The following SYPL2 variants were observed in gnomAD, a reference collection of about 807,000 sequenced individuals.
SYPL2 encodes synaptophysin like 2.
Under a neutral mutation model 31.3 loss-of-function variants are expected in SYPL2, and 24 were observed. The ratio of observed to expected loss-of-function variants is 0.77; its 90% CI spans 0.56 to 1.08. The LOEUF is 1.08. SYPL2 is among the 50% of genes least tolerant of loss of function. SYPL2 has a pLI of 0.00. For synonymous variants in SYPL2, 144 were observed against 143.1 expected, an observed-to-expected ratio of 1.01 and a Z score of -0.05; for missense variants, 342 against 360.1, an observed-to-expected ratio of 0.95 and a Z score of 0.41.
intron 2 of SYPL2, among the ~76,000 whole-genome samples, chr1:109,469,391 A>C (rs1227683435): frequency 6.6e-6 from 1 of 151,800 alleles, no homozygotes; most frequent in African/African-American, 2.4e-5. Flanking sequence ...TTTAATTGAG[A>C]AATCAACTAA....
rs1656128905 is a variant in SYPL2 at position 109,480,383 on chromosome 1, GGTC to G, written c.*836_*838del. 6.6e-6 allele frequency: 1 copy of G among 152,118 alleles called. No individual in the cohort carries two copies. The highest frequency in any genetic ancestry group is 1.5e-5 in the Non-Finnish European group (1 of 68,098). The allele number at this position is 152,118 out of a possible 1,614,324, so 9.4% of individuals were successfully genotyped here. A position where few individuals can be genotyped will look rare whatever the true frequency, so the allele number is the denominator to read the frequency against. On this transcript the variant is annotated 3_prime_UTR_variant, in exon 6 of 6. Coordinates refer to ENST00000369872, the MANE Select transcript of SYPL2 (RefSeq NM_001040709.2). ...TATCTTCCTCCCTGTCCTCCTTCTT[GGTC>G]TCACACTTGGGACTCAAAAATGTGG...
At chr1:109,471,963 CAA>C (rs1422530751) in intron 2 of SYPL2, among the ~76,000 whole-genome samples, 1 of 151,942 alleles carries the variant, frequency 6.6e-6, no homozygotes, top group African/African-American at 2.4e-5. Context: ...CCTTGCTTCC[CAA>C]AGTGTTGGGA....
chr1:109,477,088 G>T (rs774402782), intron 4 of SYPL2, 111 bp downstream of exon 4: 418 of 1,312,810 alleles, frequency 3.2e-4, no homozygotes, highest in Non-Finnish European at 1.2e-4. Context: ...CCCCATGGTG[G>T]AACCTCTGCC....
At position 109,466,812 on chromosome 1, in the gene SYPL2, A is replaced by G. The variant is rs2787015; in HGVS notation, c.-32A>G. The G allele has an allele frequency of 6.6e-7, 1 of 1,508,584 alleles. No individual in the cohort carries two copies. The highest frequency in any genetic ancestry group is 8.8e-7 in the Non-Finnish European group (1 of 1,136,250). 93.4% of individuals were successfully genotyped at this position (1,508,584 alleles called of 1,614,324 possible). A position where few individuals can be genotyped will look rare whatever the true frequency, so the allele number is the denominator to read the frequency against. On this transcript the variant is annotated 5_prime_UTR_variant, in exon 1 of 6. Coordinates refer to ENST00000369872, the MANE Select transcript of SYPL2 (RefSeq NM_001040709.2). The stretch of plus-strand genomic sequence containing the variant: ...CGCCTCCCGGCCAGAGAGCCAAGCC[A>G]CCACGCCGCGCCCAGCGCTCGCCGC...
chr1:109,479,742 CT>C lies in SYPL2; in HGVS notation c.*195del. The C allele has an allele frequency of 1.3e-6, 1 of 788,662 alleles. No homozygotes were observed. The highest frequency in any genetic ancestry group is 2.0e-6 in the Non-Finnish European group (1 of 511,886). The allele number at this position is 788,662 out of a possible 1,614,324, so 48.9% of individuals were successfully genotyped here. A position where few individuals can be genotyped will look rare whatever the true frequency, so the allele number is the denominator to read the frequency against. The stretch of plus-strand genomic sequence containing the variant: ...CAGTGGCTTCCTATCCTCCTTCTTG[CT>C]GGAGCCATGAATGGCAGGAGCTCAG... On this transcript the variant is annotated 3_prime_UTR_variant, in exon 6 of 6. Coordinates refer to ENST00000369872, the MANE Select transcript of SYPL2 (RefSeq NM_001040709.2).
In SYPL2 at chr1:109,478,135, C is replaced by T; in HGVS notation, c.648+126C>T. On this transcript the variant is annotated intron_variant, in intron 5 of 5. Transcript: ENST00000369872. The surrounding 1 kb of genome is among the most constrained non-coding windows in gnomAD (Gnocchi z 4.0). ...GTGTCCCCTGCACCTGGAGCTGGTGCCCTCACTGCGCTTCATGCTGGCTGC... is the reference window on the plus strand; with the variant it reads ...GTGTCCCCTGCACCTGGAGCTGGTGTCCTCACTGCGCTTCATGCTGGCTGC... The T allele has an allele frequency of 6.8e-7, 1 of 1,462,026 alleles. No individual in the cohort carries two copies. Among genetic ancestry groups the T allele is most frequent in the Non-Finnish European group, 9.0e-7 (1 of 1,108,494 alleles). The allele number at this position is 1,462,026 out of a possible 1,614,324, so 90.6% of individuals were successfully genotyped here.
chr1:109,468,328 CTG>C (rs957738542), intron 2 of SYPL2, among the ~76,000 whole-genome samples: 3 of 152,170 alleles, frequency 2.0e-5, no homozygotes, highest in African/African-American at 7.2e-5. Flanking sequence ...AGAATTAGCA[CTG>C]TGACACCAGT....
chr1:109,479,718 A>C lies in SYPL2; in HGVS notation c.*170A>C. 1 of 982,636 alleles carries C rather than the reference A, an allele frequency of 1.0e-6. No individual in the cohort carries two copies. The highest frequency in any genetic ancestry group is 1.5e-6 in the Non-Finnish European group (1 of 681,382). 60.9% of individuals were successfully genotyped at this position (982,636 alleles called of 1,614,324 possible). ...TGTTGGAAACCTGGGCAGCCCTCTC[A>C]GTGGCTTCCTATCCTCCTTCTTGCT... On this transcript the variant is annotated 3_prime_UTR_variant, in exon 6 of 6. Transcript: ENST00000369872.
chr1:109,474,442 A>G lies in SYPL2; in HGVS notation c.130-1139A>G, dbSNP rs549819251. Among the ~76,000 whole-genome samples, 6 of 149,372 alleles carry G rather than the reference A, an allele frequency of 4.0e-5. No individual in the cohort carries two copies. In the South Asian group the frequency reaches 1.3e-3, roughly 31 times the overall value. ...AACCTCCGCCTCCCGGGTTCAAGTG[A>G]TTCTCCTGCCTCAGCCTCCCAAGTA... On this transcript the variant is annotated intron_variant, in intron 2 of 5. Transcript: ENST00000369872.
At position 109,470,495 on chromosome 1, in the gene SYPL2, A is replaced by C. The variant is rs1168264544; in HGVS notation, c.129+3362A>C. On this transcript the variant is annotated intron_variant, in intron 2 of 5. Coordinates refer to ENST00000369872, the MANE Select transcript of SYPL2 (RefSeq NM_001040709.2). The stretch of plus-strand genomic sequence containing the variant: ...GCAAAAGAGATGCAGAAGCAAGAGG[A>C]GGCGGAGGGCAGAAAATGACCGTCG... 3.3e-5 allele frequency among the ~76,000 whole-genome samples: 5 copies of C among 152,302 alleles called. No homozygotes were observed. The East Asian group carries it at 7.7e-4, about 24-fold the overall frequency.
At chr1:109,472,634 G>C (rs1655869438) in intron 2 of SYPL2, among the ~76,000 whole-genome samples, 1 of 130,024 alleles carries the variant, frequency 7.7e-6, no homozygotes, top group Non-Finnish European at 1.6e-5. Context: ...TTTTTGAGAT[G>C]GGGGTCTTGT....
Position 109,478,104 on chromosome 1 carries a change from G to C in SYPL2, c.648+95G>C. Reference sequence around the variant, plus strand: ...CTGAAAGGAAAGAGAGGGTGTCCCAGAGCTGGTGTCCCCTGCACCTGGAGC... The same window carrying C: ...CTGAAAGGAAAGAGAGGGTGTCCCACAGCTGGTGTCCCCTGCACCTGGAGC... On this transcript the variant is annotated intron_variant, in intron 5 of 5. Coordinates refer to ENST00000369872, the MANE Select transcript of SYPL2 (RefSeq NM_001040709.2). This position sits in a 1 kb window ranked among gnomAD's most constrained non-coding sequence, Gnocchi z 4.0. The C allele has an allele frequency of 6.6e-7, 1 of 1,520,786 alleles. No individual in the cohort carries two copies. The highest frequency in any genetic ancestry group is 8.8e-7 in the Non-Finnish European group (1 of 1,134,776). 94.2% of individuals were successfully genotyped at this position (1,520,786 alleles called of 1,614,324 possible).
At chr1:109,479,024 G>A (rs1656083197) in intron 5 of SYPL2, among the ~76,000 whole-genome samples, 1 of 152,240 alleles carries the variant, frequency 6.6e-6, no homozygotes, top group African/African-American at 2.4e-5. Context: ...CCTGGCGGAA[G>A]GTGCTCCGAA....
intron 2 of SYPL2, among the ~76,000 whole-genome samples, chr1:109,470,003 C>T (rs944458301): frequency 7.3e-5 from 11 of 150,548 alleles, no homozygotes; most frequent in African/African-American, 2.4e-4. Context: ...TTCAGACAGG[C>T]TCTAAGATAG....
Position 109,466,890 on chromosome 1 carries a change from G to T in SYPL2, c.47G>T (p.Arg16Leu), listed in dbSNP as rs749291229. ...GGCCGCACGGCGGACAAGTCGCCGCGCCAGCAGGTAGTCCCTGCGCGCCCA... is the reference window on the plus strand; with the variant it reads ...GGCCGCACGGCGGACAAGTCGCCGCTCCAGCAGGTAGTCCCTGCGCGCCCA... Reference protein sequence around the residue: ...SAGRTADKSPRQQVDRLLVGL... With the variant: ...SAGRTADKSPLQQVDRLLVGL... Residue 16 changes from arginine to leucine, a missense_variant, in exon 1 of 6, where the codon CGC becomes CTC. Arg to Leu is a moderately radical substitution (Grantham distance 102). Coordinates refer to ENST00000369872, the MANE Select transcript of SYPL2 (RefSeq NM_001040709.2). 1 of 1,529,284 alleles carries T rather than the reference G, an allele frequency of 6.5e-7. No homozygotes were observed. 94.7% of individuals were successfully genotyped at this position (1,529,284 alleles called of 1,614,324 possible). A position where few individuals can be genotyped will look rare whatever the true frequency, so the allele number is the denominator to read the frequency against.
At chr1:109,472,605 C>CTTTTTTTTTTTTT (rs59224604) in intron 2 of SYPL2, among the ~76,000 whole-genome samples, 1 of 71,080 alleles carries the variant, frequency 1.4e-5, no homozygotes, top group Admixed American at 2.0e-4. Context: ...TTTTTCTTTA[C>CTTTTTTTTTTTTT]TTTTTTTTTT....
rs1465855238 is a variant in SYPL2, at chr1:109,477,843, CCTT to C, written c.488_490del (p.Phe163del). On this transcript the variant is annotated inframe_deletion, in exon 5 of 6. Transcript: ENST00000369872. ...GACTTCTGTGTGACTGTCTCCTTCACCTTCTTCTGGCTGGTAGCTGCAGCTGCC... is the reference window on the plus strand; with the variant it reads ...GACTTCTGTGTGACTGTCTCCTTCACCTTCTGGCTGGTAGCTGCAGCTGCC... 1 of 1,611,886 alleles carries C rather than the reference CCTT, an allele frequency of 6.2e-7. No individual in the cohort carries two copies. The highest frequency in any genetic ancestry group is 8.5e-7 in the Non-Finnish European group (1 of 1,178,726).
chr1:109,472,426 A>G (rs1655861909), intron 2 of SYPL2, among the ~76,000 whole-genome samples: 1 of 151,854 alleles, frequency 6.6e-6, no homozygotes, highest in Non-Finnish European at 1.5e-5. Flanking sequence ...CTACTAGATA[A>G]TAGTGCCTGG....
chr1:109,474,653 T>C lies in SYPL2; in HGVS notation c.130-928T>C, dbSNP rs542026102. ...ACCGCACCTGGCCTCTCACCTCCTT[T>C]TCTAACCAAAGTGTGTTTCCCAGAA... On this transcript the variant is annotated intron_variant, in intron 2 of 5. Coordinates refer to ENST00000369872, the MANE Select transcript of SYPL2 (RefSeq NM_001040709.2). 2.6e-5 allele frequency among the ~76,000 whole-genome samples: 4 copies of C among 152,262 alleles called. No homozygotes were observed. In the East Asian group the frequency reaches 7.7e-4, roughly 29 times the overall value.
Sources: allele counts gnomAD v4.1 joint callset (sites outside exome capture counted in the v4.1 genomes callset), GRCh38; gene constraint gnomAD v4.1.1; non-coding constraint Gnocchi (gnomAD v3.1); transcripts MANE v1.5; gene names NCBI Gene and HGNC (gene_info 2026-07-23, HGNC 2026-07-21).